Variants in RELN observed in about 807,000 individuals in gnomAD.
RELN encodes reelin.
RELN carries 108 observed loss-of-function variants against 427.6 expected under a neutral mutation model. The observed-to-expected ratio is 0.25, with a 90% CI of 0.22 to 0.30. The LOEUF is 0.30. Ranked by LOEUF, RELN falls within the 10% of genes least tolerant of loss-of-function variation. RELN has a pLI of 1.00. For missense variants in RELN, 3,715 were observed against 4,302.8 expected (o/e 0.86, Z 3.82); for synonymous variants, 1,524 against 1,513.4 (o/e 1.01, Z -0.16).
intron 3 of RELN, 96 bp downstream of exon 3, chr7:103,833,441 A>G: frequency 8.2e-7 from 1 of 1,213,866 alleles, no homozygotes; most frequent in Non-Finnish European, 1.2e-6. Context: ...TAAACCTGTC[A>G]AAATAAAACA....
intron 24 of RELN, among the ~76,000 whole-genome samples, 170 bp from the exon 25 acceptor site, chr7:103,596,831 C>T (rs78470561): frequency 2.0e-5 from 3 of 152,280 alleles, no homozygotes; most frequent in South Asian, 2.1e-4. Context: ...GATCCGACTA[C>T]GGTAACTGTT....
chr7:103,810,670 A>C (rs1792719817), intron 3 of RELN, among the ~76,000 whole-genome samples: 1 of 152,156 alleles, frequency 6.6e-6, no homozygotes, highest in Non-Finnish European at 1.5e-5. Context: ...GGAAAAAAAA[A>C]ACAAAAACAA....
chr7:103,667,836 A>C (rs947737604), intron 11 of RELN, among the ~76,000 whole-genome samples: 1 of 152,248 alleles, frequency 6.6e-6, no homozygotes, highest in Admixed American at 6.5e-5. Flanking sequence ...AGCAAAGACT[A>C]TCCAGGGAAA....
At chr7:103,771,317 T>C (rs1182117563) in intron 4 of RELN, among the ~76,000 whole-genome samples, 1 of 152,020 alleles carries the variant, frequency 6.6e-6, no homozygotes, top group Non-Finnish European at 1.5e-5. Flanking sequence ...TGTTCAGATT[T>C]CTTCCCTCAG....
rs1584425634 is a variant in RELN at position 103,989,178 on chromosome 7, T to C, written c.179A>G (p.His60Arg). 2 of 1,614,052 alleles carry C rather than the reference T, an allele frequency of 1.2e-6. No individual in the cohort carries two copies. The highest frequency in any genetic ancestry group is 1.6e-4 in the Middle Eastern group (1 of 6,062). ...GTAGTAGGTGGGGTTGCCCGCAATATGCAGGGAAATGAGCACCTCGCCCTG... is the reference window on the plus strand; with the variant it reads ...GTAGTAGGTGGGGTTGCCCGCAATACGCAGGGAAATGAGCACCTCGCCCTG... ...GEQGEVLISL[H>R]IAGNPTYYVP... Residue 60 changes from histidine (H) to arginine (R), a missense_variant, in exon 1 of 65, where the codon CAT becomes CGT. Physicochemically the swap from His to Arg is conservative, Grantham distance 29. Coordinates refer to ENST00000428762, the MANE Select transcript of RELN (RefSeq NM_005045.4). This position sits in a 1 kb window ranked among gnomAD's most constrained non-coding sequence, Gnocchi z 4.9.
chr7:103,910,359 C>A (rs1270996410), intron 2 of RELN, among the ~76,000 whole-genome samples: 1 of 149,328 alleles, frequency 6.7e-6, no homozygotes, highest in South Asian at 2.2e-4. Flanking sequence ...CGCCTGCAAA[C>A]AGGGACAATT....
At chr7:103,604,649 A>G (rs1219714662) in intron 22 of RELN, among the ~76,000 whole-genome samples, 166 bp from the exon 23 acceptor site, 1 of 152,194 alleles carries the variant, frequency 6.6e-6, no homozygotes, top group Non-Finnish European at 1.5e-5. Context: ...CAATGCAACA[A>G]TTCTATCATG....
chr7:103,547,803 T>G (rs1361151981), intron 41 of RELN, among the ~76,000 whole-genome samples: 1 of 151,888 alleles, frequency 6.6e-6, no homozygotes, highest in Non-Finnish European at 1.5e-5. Flanking sequence ...ATTCAAATGT[T>G]CTGAATACAA....
intron 3 of RELN, among the ~76,000 whole-genome samples, chr7:103,783,044 T>C (rs1314572264): frequency 2.0e-5 from 3 of 151,992 alleles, no homozygotes; most frequent in African/African-American, 4.8e-5. Flanking sequence ...ATGTGGAATA[T>C]GGGGGAAAAA....
At chr7:103,679,468 T>C (rs1193189779) in intron 11 of RELN, among the ~76,000 whole-genome samples, 1 of 152,188 alleles carries the variant, frequency 6.6e-6, no homozygotes, top group Non-Finnish European at 1.5e-5. Context: ...CATTATTATA[T>C]CTTATTGGAA....
At chr7:103,879,213 A>G (rs980296974) in intron 2 of RELN, among the ~76,000 whole-genome samples, 2 of 152,180 alleles carry the variant, frequency 1.3e-5, no homozygotes, top group African/African-American at 4.8e-5. Context: ...CCTAGCTTTA[A>G]TTTTTACACA....
At chr7:103,612,982 C>A (rs866843269) in intron 20 of RELN, among the ~76,000 whole-genome samples, 3 of 152,310 alleles carry the variant, frequency 2.0e-5, no homozygotes, top group African/African-American at 7.2e-5. Context: ...TACTCTGAAG[C>A]AGTCTTGCAA....
rs1161199450 is a variant in RELN at position 103,539,166 on chromosome 7, G to C, written c.7092C>G (p.Tyr2364Ter). 5 of 1,614,236 alleles carry C rather than the reference G, an allele frequency of 3.1e-6. No homozygotes were observed. Among genetic ancestry groups the C allele is most frequent in the Non-Finnish European group, 4.2e-6 (5 of 1,180,054 alleles). The change falls in exon 45 of 65, where the codon TAC (tyrosine) becomes TAG (stop). Residue 2364 changes from tyrosine (Y) to a stop codon, truncating the protein, a stop_gained. Transcript: ENST00000428762. LOFTEE classifies it high-confidence loss of function. ...LVFIEKASTR[Y>*]VVSTDVAVNE... is the part of the protein sequence containing the mutation. ...TCACGGCAACGTCTGTGCTGACCAC[G>C]TAACGGGTGCTGGCCTTTTCAATGA...
chr7:103,650,503 A>T, intron 15 of RELN, 120 bp from the exon 16 acceptor site: 1 of 734,420 alleles, frequency 1.4e-6, no homozygotes, highest in Non-Finnish European at 2.5e-6. Flanking sequence ...GTTTACCAAT[A>T]AACTCTTTAA....
chr7:103,911,004 G>C, intron 2 of RELN, among the ~76,000 whole-genome samples: 1 of 139,734 alleles, frequency 7.2e-6, no homozygotes, highest in South Asian at 2.4e-4. Flanking sequence ...TTGACAAATG[G>C]GATCTAATTA....
intron 57 of RELN, among the ~76,000 whole-genome samples, chr7:103,494,667 T>C (rs1205876715): frequency 2.6e-5 from 4 of 151,612 alleles, no homozygotes; most frequent in Non-Finnish European, 5.9e-5. Context: ...TACAGGTGTT[T>C]GCAATAGAGA....
intron 4 of RELN, among the ~76,000 whole-genome samples, chr7:103,757,789 AG>A (rs1210697341): frequency 6.6e-6 from 1 of 152,184 alleles, no homozygotes; most frequent in Non-Finnish European, 1.5e-5. Context: ...TTGAAGAGAG[AG>A]GAAGATAGGC....
Position 103,881,815 on chromosome 7 carries a change from T to C in RELN, c.337+35260A>G, listed in dbSNP as rs1319964889. The stretch of plus-strand genomic sequence containing the variant: ...GTAAAACATCACGAATGAATAAATG[T>C]TACTGTTTTAAGCAACAAGGTTTTG... On this transcript the variant is annotated intron_variant, in intron 2 of 64. Coordinates refer to ENST00000428762, the MANE Select transcript of RELN (RefSeq NM_005045.4). Among the ~76,000 whole-genome samples, 6 of 152,270 alleles carry C rather than the reference T, an allele frequency of 3.9e-5. No individual in the cohort carries two copies. The East Asian group carries it at 1.2e-3, about 29-fold the overall frequency.
intron 3 of RELN, among the ~76,000 whole-genome samples, chr7:103,817,384 G>A (rs1325774475): frequency 6.6e-6 from 1 of 152,142 alleles, no homozygotes; most frequent in African/African-American, 2.4e-5. Context: ...AGGAGGACAG[G>A]ATCTAAATAT....
Sources: allele counts gnomAD v4.1 joint callset (sites outside exome capture counted in the v4.1 genomes callset), GRCh38; gene constraint gnomAD v4.1.1; non-coding constraint Gnocchi (gnomAD v3.1); transcripts MANE v1.5; gene names NCBI Gene and HGNC (gene_info 2026-07-23, HGNC 2026-07-21).